The following PPP2R2C variants were observed in gnomAD, a reference collection of about 807,000 sequenced individuals.
PPP2R2C encodes protein phosphatase 2, regulatory subunit B, gamma.
A neutral mutation model predicts 45.3 loss-of-function variants in PPP2R2C; 10 were observed. The ratio of observed to expected loss-of-function variants is 0.22; its 90% CI spans 0.14 to 0.37. The LOEUF is 0.37. Ranked by LOEUF, PPP2R2C falls within the 10% of genes least tolerant of loss-of-function variation. The pLI, the probability that PPP2R2C is intolerant of heterozygous loss-of-function variation, is 1.00. For missense variants in PPP2R2C, 308 were observed against 619.7 expected (o/e 0.50, Z 5.34); for synonymous variants, 257 against 245.4 (o/e 1.05, Z -0.44).
chr4:6,527,706 G>A (rs1724262407), intron 2 of PPP2R2C, among the ~76,000 whole-genome samples: 1 of 151,946 alleles, frequency 6.6e-6, no homozygotes, highest in African/African-American at 2.4e-5. Flanking sequence ...AATTTTCCAG[G>A]CCCGGTGCAA....
chr4:6,522,760 G>T (rs1724066881), intron 2 of PPP2R2C, among the ~76,000 whole-genome samples: 1 of 152,250 alleles, frequency 6.6e-6, no homozygotes, highest in Non-Finnish European at 1.5e-5. Flanking sequence ...CTTCTCCTTG[G>T]CCCCTGGTTC....
At chr4:6,347,266 C>CTGT (rs1712056082) in intron 6 of PPP2R2C, among the ~76,000 whole-genome samples, 1 of 152,190 alleles carries the variant, frequency 6.6e-6, no homozygotes, top group Admixed American at 6.5e-5. Context: ...TCAGTGTGAG[C>CTGT]TGTTATGCTG....
intron 1 of PPP2R2C, among the ~76,000 whole-genome samples, chr4:6,444,744 G>A (rs865961150): frequency 2.0e-5 from 3 of 152,232 alleles, no homozygotes; most frequent in Non-Finnish European, 4.4e-5. Context: ...GCGATGCCTG[G>A]CCAGGCAGAT....
At position 6,487,960 on chromosome 4, in the gene PPP2R2C, T is replaced by C. The variant is rs190034929; in HGVS notation, c.49+47311A>G. Among the ~76,000 whole-genome samples, 7 of 152,356 alleles carry C rather than the reference T, an allele frequency of 4.6e-5. No individual in the cohort carries two copies. The East Asian group carries it at 1.3e-3, about 29-fold the overall frequency. Reference sequence around the variant, plus strand: ...ATATTTCTTTTTGGATAGTTTCTATTGCTGTCTTCAAGTTAGCTAATCTTT... The same window carrying C: ...ATATTTCTTTTTGGATAGTTTCTATCGCTGTCTTCAAGTTAGCTAATCTTT... On this transcript the variant is annotated intron_variant, in intron 2 of 9. Coordinates refer to the PPP2R2C transcript ENST00000506140.
intron 1 of PPP2R2C, among the ~76,000 whole-genome samples, chr4:6,430,859 A>C (rs1719573246): frequency 6.6e-6 from 1 of 151,998 alleles, no homozygotes; most frequent in South Asian, 2.1e-4. Flanking sequence ...CAGGAGGCGG[A>C]GGTTGCAGTG....
intron 1 of PPP2R2C, chr4:6,382,003 G>A: frequency 1.4e-6 from 2 of 1,415,818 alleles, no homozygotes; most frequent in Admixed American, 3.3e-5. Context: ...GCCCTAGCCT[G>A]GAAGAGAAAC....
chr4:6,413,906 T>C, intron 1 of PPP2R2C: 2 of 1,536,094 alleles, frequency 1.3e-6, no homozygotes, highest in South Asian at 2.4e-5. Flanking sequence ...TGCTCACCCG[T>C]GTCTCTCTTT....
rs147204465 is a variant in PPP2R2C at position 6,364,466 on chromosome 4, G to A, written c.625+8057C>T. On this transcript the variant is annotated intron_variant, in intron 5 of 8. Coordinates refer to ENST00000382599, the MANE Select transcript of PPP2R2C (RefSeq NM_020416.4). This position sits in a 1 kb window ranked among gnomAD's most constrained non-coding sequence, Gnocchi z 5.3. ...GTTGCTGAAGGGTTCTGAGCAAGGAGTGACATGATCTTGTCGTTTTTTTTT... is the reference window on the plus strand; with the variant it reads ...GTTGCTGAAGGGTTCTGAGCAAGGAATGACATGATCTTGTCGTTTTTTTTT... Among the ~76,000 whole-genome samples, 4 of 152,210 alleles carry A rather than the reference G, an allele frequency of 2.6e-5. No homozygotes were observed. The highest frequency in any genetic ancestry group is 9.6e-5 in the African/African-American group (4 of 41,556).
Position 6,345,506 on chromosome 4 carries a change from G to A in PPP2R2C, c.790+2340C>T, listed in dbSNP as rs771552633. 1.3e-5 allele frequency among the ~76,000 whole-genome samples: 2 copies of A among 152,192 alleles called. No individual in the cohort carries two copies. Among genetic ancestry groups the A allele is most frequent in the African/African-American group, 4.8e-5 (2 of 41,444 alleles). On this transcript the variant is annotated intron_variant, in intron 6 of 8. Coordinates refer to ENST00000382599, the MANE Select transcript of PPP2R2C (RefSeq NM_020416.4). The surrounding 1 kb of genome is among the most constrained non-coding windows in gnomAD (Gnocchi z 5.3). ...TCATTAGGGGTGGCAGGAACAAGGC[G>A]ATCACAAGGGCCTTTATACGCGAAA...
chr4:6,499,423 C>T (rs1722975954), intron 2 of PPP2R2C, among the ~76,000 whole-genome samples: 1 of 152,184 alleles, frequency 6.6e-6, no homozygotes, highest in Non-Finnish European at 1.5e-5. Context: ...TCCGACAGGC[C>T]ACACACAGTC....
chr4:6,498,248 T>C (rs556673582), intron 2 of PPP2R2C, among the ~76,000 whole-genome samples: 2 of 152,306 alleles, frequency 1.3e-5, no homozygotes, highest in East Asian at 3.9e-4. Context: ...TATATAAAAA[T>C]CCAAAATCTT....
chr4:6,541,279 A>C (rs1007499001), intron 1 of PPP2R2C, among the ~76,000 whole-genome samples: 6 of 152,298 alleles, frequency 3.9e-5, no homozygotes, highest in East Asian at 3.9e-4. Context: ...GGAAGAATGG[A>C]TATTGGGAAG....
At chr4:6,404,211 C>T (rs1317781273) in intron 1 of PPP2R2C, among the ~76,000 whole-genome samples, 1 of 152,116 alleles carries the variant, frequency 6.6e-6, no homozygotes, top group African/African-American at 2.4e-5. Flanking sequence ...CAGGAAAGGT[C>T]CTTAGAGGTC....
intron 1 of PPP2R2C, among the ~76,000 whole-genome samples, chr4:6,462,604 G>C (rs1438395145): frequency 6.6e-6 from 1 of 152,234 alleles, no homozygotes; most frequent in African/African-American, 2.4e-5. Flanking sequence ...GCAGGACTTT[G>C]GATCCTGGGC....
intron 1 of PPP2R2C, among the ~76,000 whole-genome samples, chr4:6,394,802 G>A (rs1716907090): frequency 6.6e-6 from 1 of 152,252 alleles, no homozygotes; most frequent in South Asian, 2.1e-4. Context: ...CAGCCGGCAG[G>A]CGGGCGATGG....
At chr4:6,395,545 C>T (rs1716962652) in intron 1 of PPP2R2C, among the ~76,000 whole-genome samples, 1 of 152,146 alleles carries the variant, frequency 6.6e-6, no homozygotes, top group Non-Finnish European at 1.5e-5. Context: ...GGTGACAGTC[C>T]ACCCCTGTGA....
Position 6,339,554 on chromosome 4 carries a change from T to C in PPP2R2C, c.791-5823A>G, listed in dbSNP as rs1466235009. On this transcript the variant is annotated intron_variant, in intron 6 of 8. Transcript: ENST00000382599. ...CTGCTGTGCCCCACCCCCATCGTTG[T>C]CAGTGTGTGGACGACACTCCTCTGG... 7.9e-5 allele frequency among the ~76,000 whole-genome samples: 12 copies of C among 152,236 alleles called. 1 individual carries two copies. In the South Asian group the frequency reaches 1.7e-3, roughly 21 times the overall value.
At chr4:6,449,560 C>T (rs1360601732) in intron 1 of PPP2R2C, among the ~76,000 whole-genome samples, 1 of 152,254 alleles carries the variant, frequency 6.6e-6, no homozygotes, top group African/African-American at 2.4e-5. Context: ...GAGGGACTCC[C>T]GTGTCCTGTC....
intron 1 of PPP2R2C, among the ~76,000 whole-genome samples, chr4:6,400,999 ACACGTTGGTCAAGTGG>A (rs1717379772): frequency 6.6e-6 from 1 of 152,250 alleles, no homozygotes; most frequent in African/African-American, 2.4e-5. Context: ...ACGTTCCCAC[ACACGTTGGTCAAGTGG>A]CACGTGGCAG....
Sources: gnomAD v4.1 joint callset for allele counts (sites outside exome capture counted in the v4.1 genomes callset) on GRCh38, gnomAD v4.1.1 for gene constraint, Gnocchi (gnomAD v3.1) non-coding constraint, MANE v1.5 for transcripts, NCBI Gene and HGNC (gene_info 2026-07-23, HGNC 2026-07-21) for gene names.